KLHDC4: variants seen among roughly 807,000 people sequenced by gnomAD.
KLHDC4 encodes kelch domain-containing protein 4.
A neutral mutation model predicts 62.4 loss-of-function variants in KLHDC4; 90 were observed. The ratio of observed to expected loss-of-function variants is 1.44; its 90% confidence interval spans 1.22 to 1.72. The LOEUF is 1.72. KLHDC4 is among the 40% of genes most tolerant of loss of function. The probability of loss-of-function intolerance (pLI) is 0.00; values close to 1 mark genes in which losing one functional copy is unlikely to be tolerated. For synonymous variants in KLHDC4, 386 were observed against 284.4 expected, an observed-to-expected ratio of 1.36 and a Z score of -3.59; for missense variants, 1,025 against 699.7, an observed-to-expected ratio of 1.47 and a Z score of -5.25.
chr16:87,738,123 G>C (rs1209498580), intron 5 of KLHDC4, among the ~76,000 whole-genome samples: 3 of 152,130 alleles, frequency 2.0e-5, no homozygotes, highest in Admixed American at 6.5e-5. Flanking sequence ...AGCAGGGTGT[G>C]TCCATTCCTA....
At chr16:87,722,076 G>C (rs543293620) in intron 7 of KLHDC4, among the ~76,000 whole-genome samples, 2 of 152,268 alleles carry the variant, frequency 1.3e-5, no homozygotes, top group Non-Finnish European at 2.9e-5. Flanking sequence ...CTGAGTCTTT[G>C]ACACGTGAAT....
chr16:87,709,152 A>C, intron 10 of KLHDC4, 113 bp downstream of exon 10: 1 of 1,334,624 alleles, frequency 7.5e-7, no homozygotes, highest in Non-Finnish European at 1.0e-6. Flanking sequence ...ACAGGCGAGA[A>C]GTGTCGGCAC....
At chr16:87,699,714 T>G (rs1023762423) in exon 1 of KLHDC4, 2 of 152,200 alleles carry the variant, frequency 1.3e-5, no homozygotes, top group African/African-American at 4.8e-5. Flanking sequence ...AGATACACAC[T>G]GTAGAAAGAC....
intron 5 of KLHDC4, among the ~76,000 whole-genome samples, chr16:87,736,357 G>A (rs926945483): frequency 1.6e-4 from 24 of 152,292 alleles, no homozygotes; most frequent in African/African-American, 2.4e-4. Context: ...CAGAAACATC[G>A]TGAGGCAGCC....
Position 87,707,938 on chromosome 16 carries a change from C to A in KLHDC4, c.*139G>T, listed in dbSNP as rs550078627. 1 of 464,942 alleles carries A rather than the reference C, an allele frequency of 2.2e-6. No individual in the cohort carries two copies. Among genetic ancestry groups the A allele is most frequent in the Non-Finnish European group, 4.3e-6 (1 of 232,760 alleles). The allele number at this position is 464,942 out of a possible 1,614,324, so 28.8% of individuals were successfully genotyped here. On this transcript the variant is annotated 3_prime_UTR_variant, in exon 12 of 12. Coordinates refer to ENST00000270583, the MANE Select transcript of KLHDC4 (RefSeq NM_017566.4). ...ACTAAACCATGGGAGAAAGTTCACA[C>A]CCTGGCCTGGGCCACCCACCTTCAG...
chr16:87,732,102 T>C (rs12597119), intron 5 of KLHDC4, among the ~76,000 whole-genome samples: 120 of 149,810 alleles, frequency 8.0e-4, no homozygotes, highest in African/African-American at 2.6e-3. Flanking sequence ...TATTTCTTTT[T>C]TTTTTTTTTT....
Position 87,710,343 on chromosome 16 carries a change from T to C in KLHDC4, c.1045-676A>G, listed in dbSNP as rs117906848. On this transcript the variant is annotated intron_variant, in intron 9 of 11. Coordinates refer to ENST00000270583, the MANE Select transcript of KLHDC4 (RefSeq NM_017566.4). The stretch of plus-strand genomic sequence containing the variant: ...TCACGAGGTGACATTTGCCAGGTTA[T>C]TTCCAAATTTTCCAAGGATCACTAC... The C allele has an allele frequency of 6.0e-3, 913 of 152,430 alleles. 6 individuals are homozygous for C. Among genetic ancestry groups the C allele is most frequent in the Non-Finnish European group, 0.011 (725 of 68,106 alleles). 9.4% of individuals were successfully genotyped at this position (152,430 alleles called of 1,614,324 possible).
intron 6 of KLHDC4, chr16:87,729,184 A>G (rs769981833): frequency 1.3e-5 from 2 of 152,254 alleles, no homozygotes; most frequent in Non-Finnish European, 2.9e-5. Context: ...ATGAGACTAT[A>G]TCAGTGAAGA....
At chr16:87,737,585 T>A (rs952747351) in intron 5 of KLHDC4, among the ~76,000 whole-genome samples, 150 of 125,048 alleles carry the variant, frequency 1.2e-3, no homozygotes, top group African/African-American at 4.7e-3. Flanking sequence ...TCTCTACAAA[T>A]CAGTCTTTTT....
chr16:87,722,126 C>A (rs1221138305), intron 7 of KLHDC4, among the ~76,000 whole-genome samples: 1 of 152,208 alleles, frequency 6.6e-6, no homozygotes, highest in African/African-American at 2.4e-5. Context: ...CACGTGAATG[C>A]TGCTGGGTCT....
chr16:87,701,635 T>C (rs1266150756), exon 1 of KLHDC4: 5 of 451,374 alleles, frequency 1.1e-5, no homozygotes, highest in Admixed American at 4.7e-5. Context: ...CTCACATGCC[T>C]ACCTCACTGC....
Position 87,765,783 on chromosome 16 carries a change from C to G in KLHDC4, c.99+9G>C. ...CGTCGGGCCGCTAAGCCCGGTCTGA[C>G]CCGCTCACCTCCTCCTTCCGCGAGC... is the stretch of plus-strand genomic sequence containing the variant. On this transcript the variant is annotated intron_variant, in intron 1 of 11. Coordinates refer to ENST00000270583, the MANE Select transcript of KLHDC4 (RefSeq NM_017566.4). 2 of 1,569,534 alleles carry G rather than the reference C, an allele frequency of 1.3e-6. No homozygotes were observed. The highest frequency in any genetic ancestry group is 1.2e-5 in the South Asian group (1 of 85,562).
At chr16:87,707,325 C>A (rs2034859731), downstream of KLHDC4, among the ~76,000 whole-genome samples, 1 of 152,234 alleles carries the variant, frequency 6.6e-6, no homozygotes, top group South Asian at 2.1e-4. Flanking sequence ...CTTCCTGTCG[C>A]TTTGCAAATG....
In KLHDC4 at chr16:87,760,492, A is replaced by T. The variant is rs8050118; in HGVS notation, c.191+1457T>A. 7.7e-3 allele frequency among the ~76,000 whole-genome samples: 1,166 copies of T among 151,292 alleles called. 16 individuals are homozygous for T. Among genetic ancestry groups the T allele is most frequent in the African/African-American group, 0.026 (1,086 of 41,264 alleles). On this transcript the variant is annotated intron_variant, in intron 2 of 11. Coordinates refer to ENST00000270583, the MANE Select transcript of KLHDC4 (RefSeq NM_017566.4). The stretch of plus-strand genomic sequence containing the variant: ...CTTGGTGGCGGGTGCCTGTAGTCCC[A>T]GCTACTTGGCAGGCTGAGGCAGGAG...
At chr16:87,748,291 A>G (rs1389922508) in intron 5 of KLHDC4, among the ~76,000 whole-genome samples, 1 of 152,248 alleles carries the variant, frequency 6.6e-6, no homozygotes, top group Non-Finnish European at 1.5e-5. Context: ...CGACACAGAA[A>G]GAACGTGCCT....
chr16:87,745,229 C>A (rs1371190177), intron 5 of KLHDC4, among the ~76,000 whole-genome samples: 2 of 152,206 alleles, frequency 1.3e-5, no homozygotes, highest in African/African-American at 2.4e-5. Context: ...ACTGCTCTCA[C>A]AACACCCGCC....
chr16:87,736,455 G>A (rs1168453198), intron 5 of KLHDC4, among the ~76,000 whole-genome samples: 3 of 152,140 alleles, frequency 2.0e-5, no homozygotes, highest in Non-Finnish European at 2.9e-5. Flanking sequence ...GAGTCTAGTG[G>A]CTCATCCTCA....
intron 2 of KLHDC4, among the ~76,000 whole-genome samples, chr16:87,759,606 C>A (rs1038034387): frequency 6.6e-6 from 1 of 151,828 alleles, no homozygotes; most frequent in African/African-American, 2.4e-5. Flanking sequence ...ATTAGCCGGG[C>A]GTGGTGGTGC....
chr16:87,756,555 C>T, intron 2 of KLHDC4, 78 bp from the exon 3 acceptor site: 1 of 1,024,790 alleles, frequency 9.8e-7, no homozygotes, highest in East Asian at 2.5e-5. Context: ...CTCACAGAAT[C>T]CTCTGTCACC....
Sources: gnomAD v4.1 joint callset for allele counts (sites outside exome capture counted in the v4.1 genomes callset) on GRCh38, gnomAD v4.1.1 for gene constraint, MANE v1.5 for transcripts, NCBI Gene and HGNC (gene_info 2026-07-23, HGNC 2026-07-21) for gene names.